The following IGHMBP2 variants were observed in gnomAD, a reference collection of about 807,000 sequenced individuals.
The protein encoded by IGHMBP2 is DNA-binding protein SMUBP-2.
In IGHMBP2, 81 loss-of-function variants were observed where a neutral mutation model predicts 96.0. That is an observed-to-expected ratio of 0.84 (90% confidence interval 0.71 to 1.01). IGHMBP2 has a LOEUF of 1.01. Ranked by LOEUF, IGHMBP2 falls within the 50% of genes least tolerant of loss-of-function variation. IGHMBP2 has a pLI of 0.00. For missense variants in IGHMBP2, 1,227 were observed against 1,306.3 expected, an observed-to-expected ratio of 0.94 and a Z score of 0.94; for synonymous variants, 557 against 548.9, an observed-to-expected ratio of 1.01 and a Z score of -0.21.
At chr11:68,916,691 C>T (rs1021222153) in intron 6 of IGHMBP2, among the ~76,000 whole-genome samples, 10 of 152,034 alleles carry the variant, frequency 6.6e-5, no homozygotes, top group Non-Finnish European at 1.5e-4. Flanking sequence ...GCTATGGGCC[C>T]GTGGCATCGA....
chr11:68,926,478 C>G (rs1850418290), intron 7 of IGHMBP2: 1 of 151,646 alleles, frequency 6.6e-6, no homozygotes, highest in Non-Finnish European at 1.5e-5. Flanking sequence ...ACCATGTTAG[C>G]CAGGATGGTC....
chr11:68,929,176 C>T lies in IGHMBP2; in HGVS notation c.1061-7C>T. 6.2e-7 allele frequency: 1 copy of T among 1,611,782 alleles called. No individual in the cohort carries two copies. The highest frequency in any genetic ancestry group is 8.5e-7 in the Non-Finnish European group (1 of 1,179,968). On this transcript the variant is annotated splice_polypyrimidine_tract_variant and splice_region_variant and intron_variant, in intron 7 of 14. Coordinates refer to ENST00000255078, the MANE Select transcript of IGHMBP2 (RefSeq NM_002180.3). Reference sequence around the variant, plus strand: ...CCTGGAGACTCCCGGCTCCCTGTTTCCACCAGGTGCGTCTGCCGATGGCCC... The same window carrying T: ...CCTGGAGACTCCCGGCTCCCTGTTTTCACCAGGTGCGTCTGCCGATGGCCC...
At chr11:68,926,502 C>T (rs372503366) in intron 7 of IGHMBP2, 22 of 152,202 alleles carry the variant, frequency 1.4e-4, no homozygotes, top group East Asian at 9.7e-4. Flanking sequence ...ATCTCTTGAC[C>T]TCATGATCTG....
intron 7 of IGHMBP2, among the ~76,000 whole-genome samples, chr11:68,925,052 G>T (rs570047257): frequency 1.1e-4 from 17 of 152,000 alleles, no homozygotes; most frequent in Middle Eastern, 3.4e-3. Flanking sequence ...TATGGCCCTG[G>T]GAAGCCAAAA....
At chr11:68,923,146 C>T (rs769892423) in intron 7 of IGHMBP2, among the ~76,000 whole-genome samples, 5 of 151,960 alleles carry the variant, frequency 3.3e-5, no homozygotes, top group Non-Finnish European at 5.9e-5. Flanking sequence ...GAGGATTTTA[C>T]GTTGTTGCAT....
chr11:68,938,330 C>G lies in IGHMBP2; in HGVS notation c.2760C>G (p.Tyr920Ter). ...TCTGCCAGCTCTGCAGCCGCCGCTACTGCCTCAGCCACCACCTGCCCGAGG... is the reference window on the plus strand; with the variant it reads ...TCTGCCAGCTCTGCAGCCGCCGCTAGTGCCTCAGCCACCACCTGCCCGAGG... Reference protein sequence around the residue: ...GQFCQLCSRRYCLSHHLPEIH... With the variant: ...GQFCQLCSRR The change falls in exon 14 of 15, where the codon TAC becomes TAG. Residue 920 changes from tyrosine (Y) to a stop codon, truncating the protein, a stop_gained. Transcript: ENST00000255078. LOFTEE classifies it high-confidence loss of function. The G allele has an allele frequency of 6.2e-7, 1 of 1,611,512 alleles. No individual in the cohort carries two copies. The highest frequency in any genetic ancestry group is 8.5e-7 in the Non-Finnish European group (1 of 1,179,482).
chr11:68,915,160 G>C, intron 6 of IGHMBP2, 137 bp downstream of exon 6: 1 of 363,056 alleles, frequency 2.8e-6, no homozygotes, highest in Non-Finnish European at 4.7e-6. Flanking sequence ...TAAAAATTGG[G>C]CTGCCCTTTT....
chr11:68,932,069 G>A (rs906566169), intron 8 of IGHMBP2, among the ~76,000 whole-genome samples: 9 of 149,584 alleles, frequency 6.0e-5, no homozygotes, highest in East Asian at 2.0e-4. Context: ...GGATGGTTTC[G>A]GGGAAAACAT....
Position 68,936,256 on chromosome 11 carries a change from T to C in IGHMBP2, c.1776T>C (p.Ala592=), listed in dbSNP as rs1432205079. Reference sequence around the variant, plus strand: ...TTGTAGGTGAAGTTGGTTTTCTTGCTGAGGACCGGAGGATCAACGTGGCTG... The same window carrying C: ...TTGTAGGTGAAGTTGGTTTTCTTGCCGAGGACCGGAGGATCAACGTGGCTG... ...SNRKGEVGFL[A]EDRRINVAVT... Residue 592 remains alanine, a synonymous_variant, in exon 13 of 15, where the codon GCT becomes GCC. Transcript: ENST00000255078. 1 of 1,614,206 alleles carries C rather than the reference T, an allele frequency of 6.2e-7. No homozygotes were observed.
intron 7 of IGHMBP2, chr11:68,926,307 T>G (rs1405622362): frequency 6.9e-6 from 1 of 144,136 alleles, no homozygotes; most frequent in Non-Finnish European, 1.5e-5. Context: ...AGTCTCGCTC[T>G]ATCGCCAGAC....
In IGHMBP2 at chr11:68,936,195, T is replaced by C. The variant is rs1035784367; in HGVS notation, c.1757-42T>C. ...GGCGTAGGAGCCTGACTGTGTTTCT[T>C]AGTCTGAAACCTGCTTCTCACTCCC... On this transcript the variant is annotated intron_variant, in intron 12 of 14. Transcript: ENST00000255078. The C allele has an allele frequency of 1.1e-5, 18 of 1,609,758 alleles. No individual in the cohort carries two copies. In the East Asian group the frequency reaches 4.0e-4, roughly 36 times the overall value.
At position 68,914,685 on chromosome 11, in the gene IGHMBP2, G is replaced by A. The variant is rs1473966148; in HGVS notation, c.712-138G>A. 2.1e-5 allele frequency: 19 copies of A among 922,368 alleles called. No individual in the cohort carries two copies. The Admixed American group carries it at 3.0e-4, about 15-fold the overall frequency. The allele number at this position is 922,368 out of a possible 1,614,324, so 57.1% of individuals were successfully genotyped here. On this transcript the variant is annotated intron_variant, in intron 5 of 14. Coordinates refer to ENST00000255078, the MANE Select transcript of IGHMBP2 (RefSeq NM_002180.3). Reference sequence around the variant, plus strand: ...CGGATCACACGTGGGCTTGGAAAATGAATGCAAGATTTGATTGAGAGCACG... The same window carrying A: ...CGGATCACACGTGGGCTTGGAAAATAAATGCAAGATTTGATTGAGAGCACG...
chr11:68,930,398 C>G (rs1338653614), intron 8 of IGHMBP2: 1 of 1,289,758 alleles, frequency 7.8e-7, no homozygotes, highest in South Asian at 1.2e-5. Context: ...CGAGTAGAAT[C>G]TCATCACAGG....
At chr11:68,929,067 A>G (rs754631098) in intron 7 of IGHMBP2, 116 bp from the exon 8 acceptor site, 40 of 945,940 alleles carry the variant, frequency 4.2e-5, no homozygotes, top group Middle Eastern at 3.1e-4. Context: ...TTTATCCCAC[A>G]CAGTTGCAAT....
chr11:68,932,958 T>G (rs1859372141), intron 8 of IGHMBP2: 2 of 388,214 alleles, frequency 5.2e-6, no homozygotes, highest in Non-Finnish European at 9.7e-6. Context: ...ATCTCTCCCC[T>G]CGGTGACCTT....
At chr11:68,934,672 G>GAACAAAAGTT in intron 11 of IGHMBP2, 114 bp downstream of exon 11, 1 of 824,848 alleles carries the variant, frequency 1.2e-6, no homozygotes, top group Admixed American at 2.0e-5. Context: ...CAGGGGTAGG[G>GAACAAAAGTT]CTGACCTTAT....
At position 68,939,745 on chromosome 11, in the gene IGHMBP2, T is replaced by C. The variant is rs2154009315; in HGVS notation, c.*14T>C. 1 of 1,597,520 alleles carries C rather than the reference T, an allele frequency of 6.3e-7. No homozygotes were observed. Among genetic ancestry groups the C allele is most frequent in the Non-Finnish European group, 8.5e-7 (1 of 1,173,084 alleles). On this transcript the variant is annotated 3_prime_UTR_variant, in exon 15 of 15. Coordinates refer to ENST00000255078, the MANE Select transcript of IGHMBP2 (RefSeq NM_002180.3). ...AGGGGGACGTGACCGGCCGCATCCT[T>C]GCACGCCCCGCGGAGCTCTCTCCAT...
Position 68,906,644 on chromosome 11 carries a change from T to TC in IGHMBP2, c.256+406_256+407insC, listed in dbSNP as rs1467648656. Among the ~76,000 whole-genome samples the TC allele has an allele frequency of 6.1e-3, 878 of 143,784 alleles. 4 individuals carry two copies. The highest frequency in any genetic ancestry group is 0.017 in the Middle Eastern group (5 of 288). 94.3% of individuals were successfully genotyped at this position (143,784 alleles called of 152,430 possible). A position where few individuals can be genotyped will look rare whatever the true frequency, so the allele number is the denominator to read the frequency against. Reference sequence around the variant, plus strand: ...AATAATTTACCCATTTCTTTTCTTTTTTTTTTTTTTTTTTTGAGACAGAGT... The same window carrying TC: ...AATAATTTACCCATTTCTTTTCTTTTCTTTTTTTTTTTTTTTGAGACAGAGT... On this transcript the variant is annotated intron_variant, in intron 2 of 14. Coordinates refer to ENST00000255078, the MANE Select transcript of IGHMBP2 (RefSeq NM_002180.3).
At chr11:68,908,368 C>G in intron 3 of IGHMBP2, 31 bp downstream of exon 3, 1 of 1,594,004 alleles carries the variant, frequency 6.3e-7, no homozygotes, top group Non-Finnish European at 8.6e-7. Flanking sequence ...ATCCTAAGTA[C>G]CATCTTCCTT....
Sources: gnomAD v4.1 joint callset for allele counts (sites outside exome capture counted in the v4.1 genomes callset) on GRCh38, gnomAD v4.1.1 for gene constraint, MANE v1.5 for transcripts, NCBI Gene and HGNC (gene_info 2026-07-23, HGNC 2026-07-21) for gene names.